The following DDX6 variants were observed in gnomAD, a reference collection of about 807,000 sequenced individuals.
DDX6 encodes the protein probable ATP-dependent RNA helicase DDX6.
DDX6 carries 7 observed loss-of-function variants against 60.6 expected under a neutral mutation model. That is an observed-to-expected ratio of 0.12 (90% CI 0.07 to 0.22). The LOEUF (loss-of-function observed/expected upper bound fraction) is 0.22, where lower values mean the gene tolerates loss of function less well. Among genes scored for constraint, DDX6 ranks in the 10% least tolerant of loss-of-function variants. The pLI, the probability that DDX6 is intolerant of heterozygous loss-of-function variation, is 1.00. For synonymous variants in DDX6, 207 were observed against 201.0 expected, an observed-to-expected ratio of 1.03 and a Z score of -0.25; for missense variants, 270 against 589.9, an observed-to-expected ratio of 0.46 and a Z score of 5.62.
intron 13 of DDX6, among the ~76,000 whole-genome samples, chr11:118,752,727 AAAC>A (rs2137399508): frequency 1.3e-5 from 2 of 152,328 alleles, no homozygotes; most frequent in South Asian, 4.1e-4. Context: ...GGAAATACTG[AAAC>A]AACCTACCTT....
intron 13 of DDX6, among the ~76,000 whole-genome samples, chr11:118,753,253 G>C (rs781683555): frequency 2.0e-5 from 3 of 151,080 alleles, no homozygotes; most frequent in Non-Finnish European, 2.9e-5. Context: ...TGGTCTTGAA[G>C]TCCTGACCTC....
rs531182973 is a variant in DDX6 at position 118,751,008 on chromosome 11, T to C, written c.*1097A>G. 2.0e-5 allele frequency: 3 copies of C among 151,066 alleles called. No individual in the cohort carries two copies. The highest frequency in any genetic ancestry group is 1.3e-4 in the Admixed American group (2 of 15,080). The allele number at this position is 151,066 out of a possible 1,614,324, so 9.4% of individuals were successfully genotyped here. A position where few individuals can be genotyped will look rare whatever the true frequency, so the allele number is the denominator to read the frequency against. ...CCCCTCTCATCTTTAGCTGCTCCCA[T>C]AATCACTCTAATCCCCTTAATCCCA... On this transcript the variant is annotated 3_prime_UTR_variant, in exon 14 of 14. Coordinates refer to ENST00000534980, the MANE Select transcript of DDX6 (RefSeq NM_004397.6).
In DDX6 at chr11:118,751,164, G is replaced by A. The variant is rs1555157197; in HGVS notation, c.*941C>T. 1 of 151,918 alleles carries A rather than the reference G, an allele frequency of 6.6e-6. No homozygotes were observed. Among genetic ancestry groups the A allele is most frequent in the African/African-American group, 2.4e-5 (1 of 41,180 alleles). The allele number at this position is 151,918 out of a possible 1,614,324, so 9.4% of individuals were successfully genotyped here. On this transcript the variant is annotated 3_prime_UTR_variant, in exon 14 of 14. Transcript: ENST00000534980. Reference sequence around the variant, plus strand: ...TTTCTATGGGACACGCTTTGCCACAGAGGAAAGAGGGCCAAGGCTCTGACA... The same window carrying A: ...TTTCTATGGGACACGCTTTGCCACAAAGGAAAGAGGGCCAAGGCTCTGACA...
At chr11:118,769,406 T>A (rs1555161955) in intron 4 of DDX6, among the ~76,000 whole-genome samples, 1 of 152,202 alleles carries the variant, frequency 6.6e-6, no homozygotes, top group East Asian at 1.9e-4. Context: ...TCAAATACGG[T>A]CACATCACTA....
intron 7 of DDX6, among the ~76,000 whole-genome samples, chr11:118,761,095 C>T (rs760969155): frequency 1.5e-4 from 23 of 151,930 alleles, no homozygotes; most frequent in Non-Finnish European, 3.2e-4. Flanking sequence ...GAGCTGAGAT[C>T]GCACCACTGC....
chr11:118,782,531 C>A (rs1861933750), intron 2 of DDX6, among the ~76,000 whole-genome samples: 1 of 152,114 alleles, frequency 6.6e-6, no homozygotes, highest in Admixed American at 6.5e-5. Context: ...CTCAAATGCT[C>A]CATTCACAGA....
upstream of DDX6, chr11:118,791,270 ACCTCGGCCG>A (rs1490800765): frequency 2.0e-5 from 3 of 151,726 alleles, no homozygotes; most frequent in Non-Finnish European, 2.9e-5. Flanking sequence ...AGATGGCGAA[ACCTCGGCCG>A]CCGCGGCTAT....
At position 118,751,086 on chromosome 11, in the gene DDX6, T is replaced by TAC. The variant is rs57346280; in HGVS notation, c.*1018_*1019insGT. The TAC allele has an allele frequency of 2.7e-4, 27 of 100,132 alleles. No individual in the cohort carries two copies. Among genetic ancestry groups the TAC allele is most frequent in the African/African-American group, 1.0e-3 (26 of 25,456 alleles). 6.2% of individuals were successfully genotyped at this position (100,132 alleles called of 1,614,324 possible). A position where few individuals can be genotyped will look rare whatever the true frequency, so the allele number is the denominator to read the frequency against. On this transcript the variant is annotated 3_prime_UTR_variant, in exon 14 of 14. Coordinates refer to ENST00000534980, the MANE Select transcript of DDX6 (RefSeq NM_004397.6). Reference sequence around the variant, plus strand: ...ATATATGTATATATATATATATATATGAACCCAGAAAAAAAACTTATTTAC... The same window carrying TAC: ...ATATATGTATATATATATATATATATACGAACCCAGAAAAAAAACTTATTTAC...
chr11:118,756,728 CTTCCAA>C (rs1555159038), intron 10 of DDX6, among the ~76,000 whole-genome samples: 1 of 152,212 alleles, frequency 6.6e-6, no homozygotes, highest in African/African-American at 2.4e-5. Flanking sequence ...TGTGTCTGTA[CTTCCAA>C]TTCCAATACA....
Position 118,759,017 on chromosome 11 carries a change from G to A in DDX6, c.865-115C>T, listed in dbSNP as rs556680511. 2.1e-4 allele frequency: 285 copies of A among 1,351,630 alleles called. 1 individual carries two copies. The South Asian group carries it at 2.6e-3, about 12-fold the overall frequency. 83.7% of individuals were successfully genotyped at this position (1,351,630 alleles called of 1,614,324 possible). A position where few individuals can be genotyped will look rare whatever the true frequency, so the allele number is the denominator to read the frequency against. ...CCGATAAACTCTTGCTGTAAGGGAC[G>A]CAACTCTCTTCAAAACAAAATATAT... On this transcript the variant is annotated intron_variant, in intron 8 of 13. Transcript: ENST00000534980.
chr11:118,778,906 A>G (rs1277815938), intron 4 of DDX6, among the ~76,000 whole-genome samples: 1 of 152,154 alleles, frequency 6.6e-6, no homozygotes, highest in Non-Finnish European at 1.5e-5. Context: ...GGGGCCAGGC[A>G]TGGTGGCTAA....
chr11:118,764,374 C>T (rs970486933), intron 6 of DDX6, among the ~76,000 whole-genome samples: 2 of 152,102 alleles, frequency 1.3e-5, no homozygotes, highest in African/African-American at 4.8e-5. Flanking sequence ...TCAGATTATA[C>T]CTTAACGTAT....
chr11:118,753,637 C>A (rs1452653903), intron 13 of DDX6, among the ~76,000 whole-genome samples: 1 of 151,826 alleles, frequency 6.6e-6, no homozygotes, highest in Non-Finnish European at 1.5e-5. Context: ...CGCACCCGGC[C>A]CAGAGTGGGT....
intron 13 of DDX6, among the ~76,000 whole-genome samples, chr11:118,753,475 G>A (rs1383727227): frequency 6.6e-6 from 1 of 151,550 alleles, no homozygotes; most frequent in Non-Finnish European, 1.5e-5. Flanking sequence ...GAGTAGCTGG[G>A]ACTACAGGTG....
intron 2 of DDX6, 199 bp downstream of exon 2, chr11:118,785,853 G>A (rs956813932): frequency 6.5e-6 from 3 of 464,186 alleles, no homozygotes; most frequent in Non-Finnish European, 1.1e-5. Flanking sequence ...CTGACCTCAG[G>A]ATGACTACTT....
At chr11:118,776,788 G>A (rs1345387470) in intron 4 of DDX6, among the ~76,000 whole-genome samples, 2 of 149,578 alleles carry the variant, frequency 1.3e-5, no homozygotes, top group East Asian at 2.0e-4. Context: ...AGTGGACATC[G>A]CGCCACTGCA....
At chr11:118,775,416 A>C (rs1555163413) in intron 4 of DDX6, among the ~76,000 whole-genome samples, 1 of 152,188 alleles carries the variant, frequency 6.6e-6, no homozygotes, top group Non-Finnish European at 1.5e-5. Flanking sequence ...GGGATCTGTA[A>C]ATTTTGTTTC....
At chr11:118,764,542 C>T (rs1388920131) in intron 6 of DDX6, among the ~76,000 whole-genome samples, 7 of 152,168 alleles carry the variant, frequency 4.6e-5, no homozygotes, top group East Asian at 3.9e-4. Flanking sequence ...CGGTGGCTCA[C>T]GCCTGTAATC....
Position 118,789,664 on chromosome 11 carries a change from T to C in DDX6, c.-268+1434A>G, listed in dbSNP as rs1862199661. On this transcript the variant is annotated intron_variant, in intron 1 of 13. Transcript: ENST00000534980. ...GACGGTTTTATATTATGATCAGCGA[T>C]ATCACGCAGTTCACAGAGACTTAGC... The C allele has an allele frequency of 3.3e-5, 5 of 152,224 alleles. No homozygotes were observed. In the South Asian group the frequency reaches 1.0e-3, roughly 31 times the overall value. 9.4% of individuals were successfully genotyped at this position (152,224 alleles called of 1,614,324 possible).
Sources: allele counts gnomAD v4.1 joint callset (sites outside exome capture counted in the v4.1 genomes callset), GRCh38; gene constraint gnomAD v4.1.1; transcripts MANE v1.5; gene names NCBI Gene and HGNC (gene_info 2026-07-23, HGNC 2026-07-21).